The following AGRN variants were observed in gnomAD, a reference collection of about 807,000 sequenced individuals.
AGRN encodes agrin.
Under a neutral mutation model 211.0 loss-of-function variants are expected in AGRN, and 106 were observed. The ratio of observed to expected loss-of-function variants is 0.50; its 90% CI spans 0.43 to 0.59. The LOEUF (loss-of-function observed/expected upper bound fraction) is 0.59, where lower values mean the gene tolerates loss of function less well. Ranked by LOEUF, AGRN falls within the 20% of genes least tolerant of loss-of-function variation. AGRN has a pLI of 0.00. For synonymous variants in AGRN, 1,525 were observed against 1,332.5 expected (o/e 1.14, Z -3.15); for missense variants, 3,040 against 2,982.6 (o/e 1.02, Z -0.45).
At chr1:1,023,001 C>T (rs539630076) in intron 2 of AGRN, among the ~76,000 whole-genome samples, 9 of 152,230 alleles carry the variant, frequency 5.9e-5, no homozygotes, top group Non-Finnish European at 1.2e-4. Flanking sequence ...CTCCCTGACC[C>T]CAGCCTGGTG....
intron 3 of AGRN, among the ~76,000 whole-genome samples, chr1:1,038,399 T>G (rs966799689): frequency 1.2e-4 from 18 of 152,222 alleles, no homozygotes; most frequent in African/African-American, 4.3e-4. Flanking sequence ...AAGGTACCTC[T>G]AGGCTCCCAT....
At chr1:1,043,502 G>T (rs756633621) in intron 8 of AGRN, 36 bp from the exon 9 acceptor site, 2 of 1,601,932 alleles carry the variant, frequency 1.2e-6, no homozygotes, top group Non-Finnish European at 1.7e-6. Context: ...GGAGAGAGAG[G>T]TTCCTGGTCG....
chr1:1,051,824 C>T lies in AGRN; in HGVS notation c.5651+9C>T. On this transcript the variant is annotated intron_variant, in intron 33 of 35. Transcript: ENST00000379370. ...AACGCTGTGACCGAGAGGTAACGTG[C>T]CATCCTCTGCTGGCTGTCGGTTCCA... is the stretch of plus-strand genomic sequence containing the variant. The T allele has an allele frequency of 1.2e-6, 2 of 1,613,448 alleles. No individual in the cohort carries two copies. The highest frequency in any genetic ancestry group is 1.7e-6 in the Non-Finnish European group (2 of 1,179,886).
Position 1,055,393 on chromosome 1 carries a change from C to T in AGRN, c.*412C>T, listed in dbSNP as rs2799072. 284,651 of 335,790 alleles carry T rather than the reference C, an allele frequency of 0.85. 121,977 individuals carry two copies. Among genetic ancestry groups the T allele is most frequent in the East Asian group, 1 (12,622 of 12,678 alleles). The allele number at this position is 335,790 out of a possible 1,614,324, so 20.8% of individuals were successfully genotyped here. The stretch of plus-strand genomic sequence containing the variant: ...ACCCCACAGGGCCTTTCCAAGCCCC[C>T]ATTTGAGCTGCTCCTTCCTGTGTGT... On this transcript the variant is annotated 3_prime_UTR_variant, in exon 36 of 36. Coordinates refer to ENST00000379370, the MANE Select transcript of AGRN (RefSeq NM_198576.4).
rs532123034 is a variant in AGRN, at chr1:1,037,086, A to G, written c.511+1762A>G. ...AGAGAAGGACCCGAGTCTTGCAGGA[A>G]GGGGCCTGAACCCTCCCAGTGGGCT... is the stretch of plus-strand genomic sequence containing the variant. On this transcript the variant is annotated intron_variant, in intron 3 of 35. Coordinates refer to ENST00000379370, the MANE Select transcript of AGRN (RefSeq NM_198576.4). Among the ~76,000 whole-genome samples, 432 of 152,248 alleles carry G rather than the reference A, an allele frequency of 2.8e-3. 3 individuals are homozygous for G. The highest frequency in any genetic ancestry group is 0.01 in the African/African-American group (418 of 41,526).
intron 2 of AGRN, among the ~76,000 whole-genome samples, chr1:1,030,074 T>C (rs1644624778): frequency 7.9e-6 from 1 of 126,532 alleles, no homozygotes; most frequent in African/African-American, 3.2e-5. Flanking sequence ...TGTGTGTGTG[T>C]GCAGTGCCTG....
chr1:1,054,709 G>C, intron 35 of AGRN, 115 bp from the exon 36 acceptor site: 1 of 1,492,850 alleles, frequency 6.7e-7, no homozygotes, highest in Non-Finnish European at 9.0e-7. Flanking sequence ...TCCCAGTGCT[G>C]TGGGGCCGGG....
intron 2 of AGRN, 121 bp downstream of exon 2, chr1:1,022,583 T>C (rs1294770090): frequency 3.3e-5 from 14 of 424,160 alleles, no homozygotes; most frequent in Non-Finnish European, 4.5e-5. Flanking sequence ...CAGCACACGG[T>C]GTCTTGTGGT....
At position 1,048,767 on chromosome 1, in the gene AGRN, C is replaced by CA. The variant is rs57668569; in HGVS notation, c.4106-78dup. ...GGGCAAAAAGAGCAAAACTCCGTCTCAAAAAAAAAAAAAAAAAAAAAAGCA... is the reference window on the plus strand; with the variant it reads ...GGGCAAAAAGAGCAAAACTCCGTCTCAAAAAAAAAAAAAAAAAAAAAAAGCA... On this transcript the variant is annotated intron_variant, in intron 23 of 35. Coordinates refer to ENST00000379370, the MANE Select transcript of AGRN (RefSeq NM_198576.4). This position sits in a 1 kb window ranked among gnomAD's most constrained non-coding sequence, Gnocchi z 5.9. 19,612 of 1,063,730 alleles carry CA rather than the reference C, an allele frequency of 0.018. 76 individuals are homozygous for CA. The highest frequency in any genetic ancestry group is 0.068 in the African/African-American group (2,917 of 42,608). The allele number at this position is 1,063,730 out of a possible 1,614,324, so 65.9% of individuals were successfully genotyped here. A position where few individuals can be genotyped will look rare whatever the true frequency, so the allele number is the denominator to read the frequency against.
intron 27 of AGRN, 34 bp downstream of exon 27, chr1:1,050,071 G>C (rs766543831): frequency 4.3e-5 from 64 of 1,504,124 alleles, no homozygotes; most frequent in Admixed American, 2.4e-4. Flanking sequence ...GCAGGGGGGG[G>C]GGGGGGGTTG....
chr1:1,025,197 G>A (rs911583523), intron 2 of AGRN, among the ~76,000 whole-genome samples: 3 of 152,152 alleles, frequency 2.0e-5, no homozygotes, highest in Non-Finnish European at 4.4e-5. Context: ...GACAGGGCAG[G>A]GGGCCAGGGT....
chr1:1,047,691 A>G lies in AGRN; in HGVS notation c.3631+4A>G. On this transcript the variant is annotated splice_donor_region_variant and intron_variant, in intron 21 of 35. Transcript: ENST00000379370. ...GTGGATGTGCACTTTGACCCCAGTG[A>G]GACCTGCACCCTGGACCCTTCCTGG... 1.2e-6 allele frequency: 2 copies of G among 1,613,010 alleles called. No individual in the cohort carries two copies. Among genetic ancestry groups the G allele is most frequent in the Non-Finnish European group, 1.7e-6 (2 of 1,180,006 alleles).
At chr1:1,046,131 G>T (rs1219677732) in intron 16 of AGRN, 29 bp from the exon 17 acceptor site, 1 of 1,613,910 alleles carries the variant, frequency 6.2e-7, no homozygotes, top group South Asian at 1.1e-5. Context: ...AGGAGGCCTC[G>T]CCTTGAACAT....
chr1:1,020,261 C>A lies in AGRN; in HGVS notation c.89C>A (p.Thr30Lys). ...TGCGTCCTGCCCGGAGCCGGCGGGA[C>A]ATGCCCGGAGCGCGCGCTGGAGCGG... ...AACVLPGAGGTCPERALERRE... is the reference protein window; with the variant it reads ...AACVLPGAGGKCPERALERRE... The change falls in exon 1 of 36, where the codon ACA (threonine) becomes AAA (lysine). Residue 30 changes from threonine (T) to lysine (K), a missense_variant. This residue lies in a region of AGRN where 1,498 missense variants were observed against 1,457.8 expected (regional missense o/e 1.03). Transcript: ENST00000379370. 1 of 1,464,390 alleles carries A rather than the reference C, an allele frequency of 6.8e-7. No homozygotes were observed. The highest frequency in any genetic ancestry group is 1.3e-5 in the South Asian group (1 of 76,648). The allele number at this position is 1,464,390 out of a possible 1,614,324, so 90.7% of individuals were successfully genotyped here. A position where few individuals can be genotyped will look rare whatever the true frequency, so the allele number is the denominator to read the frequency against.
chr1:1,048,803 T>C lies in AGRN; in HGVS notation c.4106-64T>C. On this transcript the variant is annotated intron_variant, in intron 23 of 35. Transcript: ENST00000379370. The surrounding 1 kb of genome is among the most constrained non-coding windows in gnomAD (Gnocchi z 5.9). Reference sequence around the variant, plus strand: ...AAAAAAAAAAAAGCAGGGGGCGGTTTCAGGGATAAAAGTGGGGAATCCTCG... The same window carrying C: ...AAAAAAAAAAAAGCAGGGGGCGGTTCCAGGGATAAAAGTGGGGAATCCTCG... 7.1e-7 allele frequency: 1 copy of C among 1,416,374 alleles called. No individual in the cohort carries two copies. The allele number at this position is 1,416,374 out of a possible 1,614,324, so 87.7% of individuals were successfully genotyped here.
chr1:1,020,565 C>T (rs1644374443), intron 1 of AGRN, among the ~76,000 whole-genome samples, 192 bp downstream of exon 1: 1 of 152,084 alleles, frequency 6.6e-6, no homozygotes, highest in Admixed American at 6.5e-5. Flanking sequence ...GTTGCTGCGC[C>T]GCCGCCGTCC....
At chr1:1,034,804 A>T in intron 2 of AGRN, 1 of 793,578 alleles carries the variant, frequency 1.3e-6, no homozygotes, top group African/African-American at 1.8e-5. Flanking sequence ...GGCTCCCGGC[A>T]GCTTCCCGGG....
At chr1:1,034,999 G>A (rs964966435) in intron 2 of AGRN, 3 of 570,030 alleles carry the variant, frequency 5.3e-6, no homozygotes, top group East Asian at 2.9e-5. Flanking sequence ...CTCTTCCAGG[G>A]AAGGGGGTCC....
rs374477861 is a variant in AGRN at position 1,031,437 on chromosome 1, C to T, written c.464-3840C>T. Among the ~76,000 whole-genome samples the T allele has an allele frequency of 5.9e-5, 9 of 152,138 alleles. No homozygotes were observed. The East Asian group carries it at 7.7e-4, about 13-fold the overall frequency. On this transcript the variant is annotated intron_variant, in intron 2 of 35. Transcript: ENST00000379370. This position sits in a 1 kb window ranked among gnomAD's most constrained non-coding sequence, Gnocchi z 4.8. ...AAAATAGCTCATGTCGCCTGAGCTC[C>T]CTCCCTGGCTGGGCCTGGGGCCTCA...
Sources: gnomAD v4.1 joint callset for allele counts (sites outside exome capture counted in the v4.1 genomes callset) on GRCh38, gnomAD v4.1.1 for gene constraint, gnomAD v4.1.1 regional missense constraint, Gnocchi (gnomAD v3.1) non-coding constraint, MANE v1.5 for transcripts, NCBI Gene and HGNC (gene_info 2026-07-23, HGNC 2026-07-21) for gene names.